ANTXR1: variants seen among roughly 807,000 people sequenced by gnomAD.
The protein encoded by ANTXR1 is ANTXR cell adhesion molecule 1.
A neutral mutation model predicts 78.1 loss-of-function variants in ANTXR1; 19 were observed. The ratio of observed to expected loss-of-function variants is 0.24; its 90% CI spans 0.17 to 0.36. ANTXR1 has a LOEUF of 0.36. ANTXR1 is among the 10% of genes least tolerant of loss of function. The pLI, the probability that ANTXR1 is intolerant of heterozygous loss-of-function variation, is 1.00. For missense variants in ANTXR1, 518 were observed against 718.6 expected (o/e 0.72, Z 3.19); for synonymous variants, 273 against 260.5 (o/e 1.05, Z -0.46).
chr2:69,040,615 G>C (rs1460088250), intron 2 of ANTXR1, among the ~76,000 whole-genome samples: 1 of 152,150 alleles, frequency 6.6e-6, no homozygotes, highest in Non-Finnish European at 1.5e-5. Flanking sequence ...CTATTATCAG[G>C]TAGAATCCTC....
rs986969968 is a variant in ANTXR1 at position 69,247,187 on chromosome 2, TCAACAGTCAGATGAACC to T, written c.*1717_*1733del. 155 of 153,108 alleles carry T rather than the reference TCAACAGTCAGATGAACC, an allele frequency of 1.0e-3. No individual in the cohort carries two copies. The highest frequency in any genetic ancestry group is 3.5e-3 in the African/African-American group (146 of 41,522). The allele number at this position is 153,108 out of a possible 1,614,324, so 9.5% of individuals were successfully genotyped here. ...AATTACAATTCCAAAGAGCCGCCAC[TCAACAGTCAGATGAACC>T]CAACAGTCAGATGAGAGAAATGAAC... On this transcript the variant is annotated 3_prime_UTR_variant, in exon 18 of 18. Transcript: ENST00000303714.
intron 14 of ANTXR1, among the ~76,000 whole-genome samples, chr2:69,177,900 C>T (rs1674175737): frequency 1.3e-5 from 2 of 152,200 alleles, no homozygotes; most frequent in Non-Finnish European, 2.9e-5. Context: ...CTTCTCATTC[C>T]CCACAAGCCC....
chr2:69,033,613 A>C (rs1671593532), intron 1 of ANTXR1, among the ~76,000 whole-genome samples: 1 of 152,194 alleles, frequency 6.6e-6, no homozygotes, highest in African/African-American at 2.4e-5. Flanking sequence ...GAAGCTGCTG[A>C]ACATGTCTGT....
chr2:69,025,429 T>G (rs1017394175), intron 1 of ANTXR1, among the ~76,000 whole-genome samples: 3 of 152,110 alleles, frequency 2.0e-5, no homozygotes, highest in Non-Finnish European at 4.4e-5. Context: ...ACCTGACCTG[T>G]TTTTCCCCTG....
intron 6 of ANTXR1, among the ~76,000 whole-genome samples, chr2:69,075,058 G>A (rs1670687359): frequency 6.6e-6 from 1 of 152,026 alleles, no homozygotes; most frequent in African/African-American, 2.4e-5. Context: ...CTGTAGGAAT[G>A]AAAGGGCTTT....
chr2:69,126,481 GA>G (rs1318763361), intron 12 of ANTXR1, among the ~76,000 whole-genome samples: 1 of 152,176 alleles, frequency 6.6e-6, no homozygotes. Context: ...ACCCTTCTGG[GA>G]CCTGCCAACC....
At chr2:69,244,074 G>A (rs978230549) in intron 17 of ANTXR1, among the ~76,000 whole-genome samples, 3 of 152,246 alleles carry the variant, frequency 2.0e-5, no homozygotes, top group African/African-American at 7.2e-5. Flanking sequence ...AGAGCTGAGT[G>A]TTGCACAGAA....
intron 13 of ANTXR1, among the ~76,000 whole-genome samples, chr2:69,159,459 T>C (rs1028994230): frequency 6.6e-6 from 1 of 152,096 alleles, no homozygotes; most frequent in African/African-American, 2.4e-5. Flanking sequence ...TGTGAATATA[T>C]GTAACACTAC....
Position 69,037,124 on chromosome 2 carries a change from T to C in ANTXR1, c.153-2920T>C, listed in dbSNP as rs146764283. Among the ~76,000 whole-genome samples, 54 of 152,326 alleles carry C rather than the reference T, an allele frequency of 3.5e-4. No homozygotes were observed. In the East Asian group the frequency reaches 0.01, roughly 29 times the overall value. On this transcript the variant is annotated intron_variant, in intron 1 of 17. Transcript: ENST00000303714. Reference sequence around the variant, plus strand: ...TCAGTGACCCATCTGGGAAGGCTTCTTACTTCACGTAAGTCACGGGAATTG... The same window carrying C: ...TCAGTGACCCATCTGGGAAGGCTTCCTACTTCACGTAAGTCACGGGAATTG...
At chr2:69,122,594 GTTTTTT>G (rs908868364) in intron 10 of ANTXR1, among the ~76,000 whole-genome samples, 1 of 151,346 alleles carries the variant, frequency 6.6e-6, no homozygotes, top group South Asian at 2.1e-4. Flanking sequence ...TTTTGTTTTT[GTTTTTT>G]TATTATTATT....
At chr2:69,208,730 C>A (rs1209447621) in intron 17 of ANTXR1, among the ~76,000 whole-genome samples, 2 of 152,150 alleles carry the variant, frequency 1.3e-5, no homozygotes, top group Non-Finnish European at 2.9e-5. Flanking sequence ...GCCCTGAGTT[C>A]TTCAACTATT....
chr2:69,167,292 G>A (rs1420905302), intron 13 of ANTXR1, among the ~76,000 whole-genome samples: 2 of 152,220 alleles, frequency 1.3e-5, no homozygotes, highest in Non-Finnish European at 1.5e-5. Context: ...AAGCAACCAC[G>A]GAGATATCTA....
intron 1 of ANTXR1, among the ~76,000 whole-genome samples, chr2:69,039,782 G>A (rs935817972): frequency 6.6e-6 from 1 of 151,970 alleles, no homozygotes; most frequent in Non-Finnish European, 1.5e-5. Context: ...TGTTGTTGCT[G>A]TTGTTGTTTT....
chr2:69,224,191 C>CA (rs1675387914), intron 17 of ANTXR1, among the ~76,000 whole-genome samples: 1 of 152,230 alleles, frequency 6.6e-6, no homozygotes, highest in Non-Finnish European at 1.5e-5. Context: ...TCAAGGCTTA[C>CA]AGACTGGGAA....
At chr2:69,223,762 TAAGAGA>T (rs1346492736) in intron 17 of ANTXR1, among the ~76,000 whole-genome samples, 30 of 152,330 alleles carry the variant, frequency 2.0e-4, no homozygotes, top group African/African-American at 6.7e-4. Flanking sequence ...ACTGAGGTGT[TAAGAGA>T]AAGAATATCA....
intron 3 of ANTXR1, among the ~76,000 whole-genome samples, chr2:69,057,449 C>CATT (rs749638446): frequency 3.3e-5 from 5 of 152,116 alleles, no homozygotes; most frequent in Non-Finnish European, 7.4e-5. Flanking sequence ...TTTCAACCTT[C>CATT]ATTATTATTA....
At chr2:69,223,272 C>G (rs1558656946) in intron 17 of ANTXR1, among the ~76,000 whole-genome samples, 3 of 152,230 alleles carry the variant, frequency 2.0e-5, no homozygotes, top group African/African-American at 7.2e-5. Context: ...AATGCCATGC[C>G]TTACTCAGAG....
intron 13 of ANTXR1, among the ~76,000 whole-genome samples, chr2:69,168,444 C>T (rs1044824729): frequency 6.6e-6 from 1 of 152,218 alleles, no homozygotes; most frequent in Non-Finnish European, 1.5e-5. Context: ...TCACATATAA[C>T]ATCTATGCTG....
intron 17 of ANTXR1, among the ~76,000 whole-genome samples, chr2:69,203,962 C>T (rs1050028569): frequency 1.3e-5 from 2 of 152,132 alleles, no homozygotes; most frequent in African/African-American, 4.8e-5. Flanking sequence ...AATTCTCCGA[C>T]CTCATTTTTT....
Sources: allele counts gnomAD v4.1 joint callset (sites outside exome capture counted in the v4.1 genomes callset), GRCh38; gene constraint gnomAD v4.1.1; transcripts MANE v1.5; gene names NCBI Gene and HGNC (gene_info 2026-07-23, HGNC 2026-07-21).